The following STS variants were observed in gnomAD, a reference collection of about 807,000 sequenced individuals.
The protein encoded by STS is steroid sulfatase, also known as steryl-sulfatase.
STS carries 7 observed loss-of-function variants against 26.8 expected under a neutral mutation model. The ratio of observed to expected loss-of-function variants is 0.26; its 90% CI spans 0.15 to 0.49. The LOEUF (loss-of-function observed/expected upper bound fraction) is 0.49, where lower values mean the gene tolerates loss of function less well. Among genes scored for constraint, STS ranks in the 20% least tolerant of loss-of-function variants. The pLI, the probability that STS is intolerant of heterozygous loss-of-function variation, is 0.98. For missense variants in STS, 434 were observed against 465.6 expected (o/e 0.93, Z 0.63); for synonymous variants, 199 against 189.4 (o/e 1.05, Z -0.42).
intron 2 of STS, among the ~76,000 whole-genome samples, chrX:7,249,585 C>T (rs539067754): frequency 2.7e-4 from 30 of 111,361 alleles, no homozygotes; most frequent in African/African-American, 7.5e-4. Context: ...GGGAACTGCT[C>T]GAGTAATTAG....
At chrX:7,281,921 G>A (rs778400152) in intron 7 of STS, among the ~76,000 whole-genome samples, 3 of 112,416 alleles carry the variant, frequency 2.7e-5, no homozygotes, top group Non-Finnish European at 3.8e-5. Context: ...TTCAATATAC[G>A]TAGAAGACAT....
chrX:7,214,971 TG>T (rs1921195820), intron 2 of STS, among the ~76,000 whole-genome samples: 2 of 68,989 alleles, frequency 2.9e-5, no homozygotes, highest in Non-Finnish European at 5.6e-5. Flanking sequence ...ATATTATATA[TG>T]TATATATACA....
chrX:7,305,259 T>G, intron 8 of STS, 76 bp downstream of exon 8: 1 of 1,155,124 alleles, frequency 8.7e-7, no homozygotes. Context: ...TTTTCGAGCT[T>G]TTCCATAGTT....
chrX:7,252,310 T>C (rs1274531688), intron 2 of STS: 52 of 749,790 alleles, frequency 6.9e-5, no homozygotes, highest in Non-Finnish European at 7.8e-5. Context: ...CTACCACTGC[T>C]GGTGGGAAGA....
intron 2 of STS, among the ~76,000 whole-genome samples, chrX:7,211,481 A>G (rs1034264591): frequency 3.6e-5 from 4 of 111,901 alleles, no homozygotes; most frequent in Non-Finnish European, 7.5e-5. Context: ...GGAAGTTCAC[A>G]TCATCACCGT....
intron 7 of STS, among the ~76,000 whole-genome samples, chrX:7,277,304 C>T (rs906149419): frequency 2.2e-4 from 25 of 111,702 alleles, no homozygotes; most frequent in African/African-American, 7.8e-4. Context: ...CCTTCCATTT[C>T]TTTTGGTGAA....
chrX:7,166,615 A>T (rs1198579575), intron 1 of STS, among the ~76,000 whole-genome samples: 2 of 111,999 alleles, frequency 1.8e-5, no homozygotes, highest in Admixed American at 9.5e-5. Context: ...AGCTCATGTA[A>T]CTGATGAATT....
chrX:7,246,427 G>A (rs374079605), intron 2 of STS, among the ~76,000 whole-genome samples: 1 of 107,904 alleles, frequency 9.3e-6, no homozygotes, highest in African/African-American at 3.4e-5. Context: ...TCAGCCTCCC[G>A]AGTAGCTGGG....
At chrX:7,244,171 AG>A (rs1449643648) in intron 2 of STS, among the ~76,000 whole-genome samples, 1 of 112,004 alleles carries the variant, frequency 8.9e-6, no homozygotes, top group Non-Finnish European at 1.9e-5. Flanking sequence ...TGTTGTGCAG[AG>A]TGTAACTCCT....
intron 1 of STS, among the ~76,000 whole-genome samples, chrX:7,169,515 G>A (rs1468195434): frequency 1.8e-5 from 2 of 112,206 alleles, no homozygotes; most frequent in Non-Finnish European, 3.8e-5. Context: ...AAATACCTGA[G>A]TTCCTATTTT....
intron 5 of STS, among the ~76,000 whole-genome samples, chrX:7,258,882 CAG>C (rs1413434128): frequency 9.8e-6 from 1 of 101,626 alleles, no homozygotes; most frequent in African/African-American, 3.6e-5. Context: ...GGGCCTGTCT[CAG>C]AAAAGCATCT....
chrX:7,193,523 A>T (rs1270767359), intron 2 of STS, among the ~76,000 whole-genome samples: 3 of 110,271 alleles, frequency 2.7e-5, no homozygotes, highest in Non-Finnish European at 5.7e-5. Context: ...AAGGGCTCTG[A>T]AAAAAATGAC....
At chrX:7,292,542 T>A (rs1925472014) in intron 7 of STS, among the ~76,000 whole-genome samples, 2 of 111,785 alleles carry the variant, frequency 1.8e-5, no homozygotes, top group Middle Eastern at 9.2e-3. Context: ...GTAGCATATT[T>A]CCTTCCACCA....
At chrX:7,215,009 C>T (rs1183565428) in intron 2 of STS, among the ~76,000 whole-genome samples, 365 of 34,089 alleles carry the variant, frequency 0.011, 13 homozygotes, top group Non-Finnish European at 0.017. Flanking sequence ...TACATATATA[C>T]GTATATATAT....
At chrX:7,205,493 CAGTGT>C (rs1485864248) in intron 2 of STS, among the ~76,000 whole-genome samples, 7 of 111,743 alleles carry the variant, frequency 6.3e-5, no homozygotes, top group South Asian at 3.7e-4. Context: ...AGTGGGCACT[CAGTGT>C]ATTCACTGAC....
rs1928836569 is a variant in STS at position 7,352,309 on chromosome X, T to C, written c.*2048T>C. The C allele has an allele frequency of 8.9e-6, 1 of 112,545 alleles. No homozygotes were observed. Among genetic ancestry groups the C allele is most frequent in the African/African-American group, 3.2e-5 (1 of 31,017 alleles). The allele number at this position is 112,545 out of a possible 1,213,427, so 9.3% of individuals were successfully genotyped here. ...TAACTTGAAGAGCCTTTATAGATTATATGAATGCCTATTTGTGTCTAGAAC... is the reference window on the plus strand; with the variant it reads ...TAACTTGAAGAGCCTTTATAGATTACATGAATGCCTATTTGTGTCTAGAAC... On this transcript the variant is annotated 3_prime_UTR_variant, in exon 11 of 11. Coordinates refer to ENST00000674429, the MANE Select transcript of STS (RefSeq NM_001320752.2).
intron 2 of STS, among the ~76,000 whole-genome samples, chrX:7,246,463 G>A (rs1415823763): frequency 8.4e-5 from 5 of 59,810 alleles, no homozygotes; most frequent in African/African-American, 2.3e-4. Context: ...CACCACACCC[G>A]GCTAATTTTT....
chrX:7,167,206 A>C (rs1482290640), intron 1 of STS, among the ~76,000 whole-genome samples: 1 of 110,400 alleles, frequency 9.1e-6, no homozygotes, highest in Admixed American at 9.7e-5. Context: ...TTGTTGATAA[A>C]AAATTTATTT....
At chrX:7,327,359 C>T (rs1259884146) in intron 9 of STS, among the ~76,000 whole-genome samples, 3 of 107,841 alleles carry the variant, frequency 2.8e-5, no homozygotes, top group Non-Finnish European at 5.8e-5. Context: ...TAGACCTGCA[C>T]TGGTTGAATT....
Sources: allele counts gnomAD v4.1 joint callset (sites outside exome capture counted in the v4.1 genomes callset), GRCh38; gene constraint gnomAD v4.1.1; transcripts MANE v1.5; gene names NCBI Gene and HGNC (gene_info 2026-07-23, HGNC 2026-07-21).